The following CDIN1 variants were observed in gnomAD, a reference collection of about 807,000 sequenced individuals.
The protein encoded by CDIN1 is CDAN1-interacting nuclease 1.
A neutral mutation model predicts 45.3 loss-of-function variants in CDIN1; 33 were observed. The observed-to-expected ratio is 0.73, with a 90% CI of 0.55 to 0.97. The LOEUF (loss-of-function observed/expected upper bound fraction) is 0.97, where lower values mean the gene tolerates loss of function less well. CDIN1 is among the 50% of genes least tolerant of loss of function. The pLI, the probability that CDIN1 is intolerant of heterozygous loss-of-function variation, is 0.00. For missense variants in CDIN1, 303 were observed against 339.4 expected, an observed-to-expected ratio of 0.89 and a Z score of 0.84; for synonymous variants, 118 against 124.4, an observed-to-expected ratio of 0.95 and a Z score of 0.34.
intron 8 of CDIN1, chr15:36,705,530 T>C (rs2042831004): frequency 6.6e-6 from 1 of 152,186 alleles, no homozygotes; most frequent in South Asian, 2.1e-4. Context: ...TCTTGTTTGG[T>C]CATTTAACTT....
intron 10 of CDIN1, among the ~76,000 whole-genome samples, chr15:36,718,045 T>G (rs2111015): frequency 0.83 from 126,546 of 151,814 alleles, 53,182 homozygotes; most frequent in East Asian, 1. Flanking sequence ...GTTTTGGTAG[T>G]GCATTTTTAT....
At chr15:36,705,515 C>T (rs1248960553) in intron 8 of CDIN1, 2 of 152,048 alleles carry the variant, frequency 1.3e-5, no homozygotes, top group East Asian at 3.9e-4. Context: ...TTTGAGAGGT[C>T]TAGGTCTTGT....
intron 10 of CDIN1, among the ~76,000 whole-genome samples, chr15:36,736,681 T>G (rs1275279448): frequency 6.6e-6 from 1 of 152,168 alleles, no homozygotes; most frequent in African/African-American, 2.4e-5. Flanking sequence ...CATCCAGATC[T>G]CTTTAAAATC....
At chr15:36,738,592 C>T (rs376885353) in intron 10 of CDIN1, among the ~76,000 whole-genome samples, 4 of 152,248 alleles carry the variant, frequency 2.6e-5, no homozygotes, top group South Asian at 2.1e-4. Flanking sequence ...TTGTCAAGTA[C>T]GTTGCTGCCC....
intron 10 of CDIN1, among the ~76,000 whole-genome samples, chr15:36,783,034 C>T (rs967949562): frequency 3.3e-5 from 5 of 152,132 alleles, no homozygotes; most frequent in Admixed American, 3.3e-4. Context: ...TCTTTTATGC[C>T]ATTCATTGGG....
chr15:36,689,554 G>A (rs1711709814), intron 5 of CDIN1, among the ~76,000 whole-genome samples: 1 of 152,180 alleles, frequency 6.6e-6, no homozygotes, highest in African/African-American at 2.4e-5. Context: ...ACCATGTGGT[G>A]ACTCGAGTGG....
At chr15:36,712,861 A>G (rs1162428366) in intron 10 of CDIN1, among the ~76,000 whole-genome samples, 1 of 152,170 alleles carries the variant, frequency 6.6e-6, no homozygotes, top group Admixed American at 6.5e-5. Context: ...ACAGAGTTAA[A>G]GGAGATAAAG....
At chr15:36,633,626 T>G (rs1344152002) in intron 1 of CDIN1, among the ~76,000 whole-genome samples, 2 of 152,232 alleles carry the variant, frequency 1.3e-5, no homozygotes, top group Non-Finnish European at 1.5e-5. Context: ...CTTCTTGAAT[T>G]TTAACATACA....
chr15:36,645,898 AT>A (rs1198971633), intron 3 of CDIN1, among the ~76,000 whole-genome samples: 1 of 152,158 alleles, frequency 6.6e-6, no homozygotes, highest in African/African-American at 2.4e-5. Flanking sequence ...TCCAGGAGAT[AT>A]TTTAATTTCA....
chr15:36,602,460 TA>T (rs1375940864), intron 1 of CDIN1, among the ~76,000 whole-genome samples: 1 of 152,212 alleles, frequency 6.6e-6, no homozygotes, highest in Non-Finnish European at 1.5e-5. Flanking sequence ...AAGGCATTAT[TA>T]AGTTTGAAAA....
chr15:36,713,490 G>A (rs763255459), intron 10 of CDIN1, among the ~76,000 whole-genome samples: 2 of 152,150 alleles, frequency 1.3e-5, no homozygotes, highest in Non-Finnish European at 2.9e-5. Context: ...GTAATGGGAG[G>A]AATATTGGGT....
At chr15:36,590,670 G>C (rs11638786) in intron 1 of CDIN1, among the ~76,000 whole-genome samples, 33,079 of 152,068 alleles carry the variant, frequency 0.22, 3,663 homozygotes, top group South Asian at 0.34. Flanking sequence ...GTCACTGTTA[G>C]TTAAGGCCTG....
chr15:36,658,952 T>G (rs1306925110), intron 5 of CDIN1, among the ~76,000 whole-genome samples: 1 of 152,228 alleles, frequency 6.6e-6, no homozygotes, highest in Non-Finnish European at 1.5e-5. Flanking sequence ...CAAAGTAACC[T>G]GCAGTGATGC....
At chr15:36,610,775 T>C (rs1246366414) in intron 1 of CDIN1, among the ~76,000 whole-genome samples, 5 of 152,190 alleles carry the variant, frequency 3.3e-5, no homozygotes, top group Non-Finnish European at 7.4e-5. Flanking sequence ...TCTTTCTAAA[T>C]GACAAATCAT....
At chr15:36,701,951 C>A in intron 8 of CDIN1, 1 of 659,788 alleles carries the variant, frequency 1.5e-6, no homozygotes, top group Non-Finnish European at 2.8e-6. Context: ...TTATTCCTCA[C>A]CTGAAGCAAT....
chr15:36,800,745 C>T (rs1011797753), intron 10 of CDIN1, among the ~76,000 whole-genome samples: 4 of 149,888 alleles, frequency 2.7e-5, no homozygotes, highest in African/African-American at 7.3e-5. Flanking sequence ...GATGGTGAAA[C>T]AATCGACTTC....
At chr15:36,601,616 GC>G in intron 1 of CDIN1, among the ~76,000 whole-genome samples, 1 of 152,270 alleles carries the variant, frequency 6.6e-6, no homozygotes, top group East Asian at 1.9e-4. Flanking sequence ...TTCTCAGTCT[GC>G]CATGAGGTCA....
intron 5 of CDIN1, among the ~76,000 whole-genome samples, chr15:36,686,841 AGAGG>A (rs1338408666): frequency 1.6e-4 from 16 of 100,184 alleles, no homozygotes; most frequent in East Asian, 6.7e-4. Context: ...AGGGAGGGAG[AGAGG>A]GAGGGAGGGA....
intron 10 of CDIN1, among the ~76,000 whole-genome samples, chr15:36,739,998 T>G (rs2044173951): frequency 6.6e-6 from 1 of 152,234 alleles, no homozygotes; most frequent in Non-Finnish European, 1.5e-5. Context: ...AAATTTATTT[T>G]GTACTGGAAA....
Sources: allele counts gnomAD v4.1 joint callset (sites outside exome capture counted in the v4.1 genomes callset), GRCh38; gene constraint gnomAD v4.1.1; transcripts MANE v1.5; gene names NCBI Gene and HGNC (gene_info 2026-07-23, HGNC 2026-07-21).